The following SESTD1 variants were observed in gnomAD, a reference collection of about 807,000 sequenced individuals.
The protein encoded by SESTD1 is SEC14 domain and spectrin repeat-containing protein 1.
SESTD1 carries 43 observed loss-of-function variants against 101.7 expected under a neutral mutation model. That is an observed-to-expected ratio of 0.42 (90% confidence interval 0.33 to 0.55). The LOEUF (loss-of-function observed/expected upper bound fraction) is 0.55, where lower values mean the gene tolerates loss of function less well. Ranked by LOEUF, SESTD1 falls within the 20% of genes least tolerant of loss-of-function variation. The pLI is 0.07. For missense variants in SESTD1, 647 were observed against 815.1 expected (o/e 0.79, Z 2.51); for synonymous variants, 283 against 286.8 (o/e 0.99, Z 0.13).
At chr2:179,135,998 G>C (rs1559107134) in intron 9 of SESTD1, among the ~76,000 whole-genome samples, 1 of 152,068 alleles carries the variant, frequency 6.6e-6, no homozygotes, top group Non-Finnish European at 1.5e-5. Flanking sequence ...GGAGGGCTAG[G>C]GTACTAGGAT....
chr2:179,229,384 AC>A (rs2046940919), intron 1 of SESTD1, among the ~76,000 whole-genome samples: 1 of 152,058 alleles, frequency 6.6e-6, no homozygotes, highest in African/African-American at 2.4e-5. Context: ...TGGAACTTAC[AC>A]CATTGTTGCT....
chr2:179,169,011 CG>C (rs1183937494), intron 5 of SESTD1, among the ~76,000 whole-genome samples: 2 of 151,846 alleles, frequency 1.3e-5, no homozygotes, highest in Non-Finnish European at 2.9e-5. Flanking sequence ...AAGCCAATAA[CG>C]GAGTGAGGTG....
chr2:179,137,999 C>T lies in SESTD1; in HGVS notation c.850-5573G>A, dbSNP rs190535093. ...TATATTATCATATAGTAATCATTTT[C>T]GCAAGGGATATAGATATTTCCTTAA... On this transcript the variant is annotated intron_variant, in intron 9 of 17. Transcript: ENST00000428443. Among the ~76,000 whole-genome samples the T allele has an allele frequency of 3.7e-3, 557 of 152,118 alleles. 6 individuals carry two copies. The highest frequency in any genetic ancestry group is 0.013 in the African/African-American group (523 of 41,486).
rs774411384 is a variant in SESTD1, at chr2:179,143,872, C to A, written c.638-69G>T. 1.1e-5 allele frequency: 16 copies of A among 1,507,984 alleles called. No homozygotes were observed. In the African/African-American group the frequency reaches 1.8e-4, roughly 17 times the overall value. 93.4% of individuals were successfully genotyped at this position (1,507,984 alleles called of 1,614,324 possible). On this transcript the variant is annotated intron_variant, in intron 8 of 17. Coordinates refer to ENST00000428443, the MANE Select transcript of SESTD1 (RefSeq NM_178123.5). ...TGTAATTCTCACTTCTCAATATTCC[C>A]AATTCTAGTCCCTTGTTTTTAAAAC...
intron 2 of SESTD1, among the ~76,000 whole-genome samples, chr2:179,186,561 C>G (rs751647630): frequency 6.6e-5 from 10 of 151,938 alleles, no homozygotes; most frequent in Non-Finnish European, 1.5e-4. Flanking sequence ...ATTTGGATGC[C>G]AGTTAGTCAA....
At chr2:179,231,483 G>A (rs991630495) in intron 1 of SESTD1, among the ~76,000 whole-genome samples, 2 of 151,100 alleles carry the variant, frequency 1.3e-5, no homozygotes, top group Admixed American at 1.3e-4. Context: ...ACAAGTAGCT[G>A]CTACAACAAC....
chr2:179,246,978 T>C (rs1444131439), intron 1 of SESTD1, among the ~76,000 whole-genome samples: 4 of 152,200 alleles, frequency 2.6e-5, no homozygotes, highest in African/African-American at 4.8e-5. Flanking sequence ...ATTATATATA[T>C]TTTTTATTTT....
chr2:179,155,508 T>A (rs1343321199), intron 5 of SESTD1, among the ~76,000 whole-genome samples: 1 of 151,918 alleles, frequency 6.6e-6, no homozygotes, highest in Non-Finnish European at 1.5e-5. Flanking sequence ...CCCAACGATT[T>A]GGGCAGCCAA....
Position 179,102,219 on chromosome 2 carries a change from G to A in SESTD1, c.*7680C>T, listed in dbSNP as rs1337518663. 6.6e-6 allele frequency: 1 copy of A among 152,070 alleles called. No individual in the cohort carries two copies. The highest frequency in any genetic ancestry group is 1.5e-5 in the Non-Finnish European group (1 of 68,018). 9.4% of individuals were successfully genotyped at this position (152,070 alleles called of 1,614,324 possible). On this transcript the variant is annotated 3_prime_UTR_variant, in exon 18 of 18. Coordinates refer to ENST00000428443, the MANE Select transcript of SESTD1 (RefSeq NM_178123.5). ...CAAGCCTGTGGGAAGGGATTGTTGG[G>A]GTCACGGGAGAGGGAAGCAGAAGCC...
At chr2:179,238,609 G>C (rs11901408) in intron 1 of SESTD1, among the ~76,000 whole-genome samples, 12,776 of 152,046 alleles carry the variant, frequency 0.084, 1,754 homozygotes, top group African/African-American at 0.29. Context: ...TAAGAAACTA[G>C]AAACTTATTG....
intron 1 of SESTD1, among the ~76,000 whole-genome samples, chr2:179,245,221 A>G (rs549469247): frequency 6.6e-6 from 1 of 152,206 alleles, no homozygotes; most frequent in Non-Finnish European, 1.5e-5. Flanking sequence ...ATATTTTTAA[A>G]AATTAGCCAG....
intron 1 of SESTD1, among the ~76,000 whole-genome samples, chr2:179,223,512 G>C (rs1361104661): frequency 6.6e-6 from 1 of 151,530 alleles, no homozygotes; most frequent in Non-Finnish European, 1.5e-5. Flanking sequence ...GGATAATCTG[G>C]ATGAAAATGA....
intron 6 of SESTD1, among the ~76,000 whole-genome samples, chr2:179,150,681 G>A (rs761435518): frequency 4.6e-5 from 7 of 152,064 alleles, no homozygotes; most frequent in Admixed American, 2.0e-4. Context: ...TTAGCTGGGC[G>A]TGGTGGCGCG....
intron 13 of SESTD1, 51 bp downstream of exon 13, chr2:179,121,719 A>G: frequency 6.9e-7 from 1 of 1,440,594 alleles, no homozygotes; most frequent in Non-Finnish European, 9.3e-7. Context: ...ACTTCATTTT[A>G]ACTAATATTG....
At chr2:179,224,221 C>T (rs1016407631) in intron 1 of SESTD1, among the ~76,000 whole-genome samples, 1 of 152,090 alleles carries the variant, frequency 6.6e-6, no homozygotes, top group African/African-American at 2.4e-5. Flanking sequence ...GCATGTTTTA[C>T]ATATAAACAC....
At position 179,204,401 on chromosome 2, in the gene SESTD1, G is replaced by A. The variant is rs1195622763; in HGVS notation, c.-25-12535C>T. Among the ~76,000 whole-genome samples, 2 of 134,310 alleles carry A rather than the reference G, an allele frequency of 1.5e-5. 1 individual carries two copies. Among genetic ancestry groups the A allele is most frequent in the Non-Finnish European group, 3.2e-5 (2 of 62,612 alleles). 88.1% of individuals were successfully genotyped at this position (134,310 alleles called of 152,430 possible). A position where few individuals can be genotyped will look rare whatever the true frequency, so the allele number is the denominator to read the frequency against. On this transcript the variant is annotated intron_variant, in intron 1 of 17. Coordinates refer to ENST00000428443, the MANE Select transcript of SESTD1 (RefSeq NM_178123.5). ...AACAATGTTATTTCTGTGAACCAAT[G>A]AGAATTTCTGACAACTTTTTTGCCA...
intron 6 of SESTD1, among the ~76,000 whole-genome samples, chr2:179,149,733 TAAC>T (rs1559114827): frequency 6.6e-6 from 1 of 152,258 alleles, no homozygotes; most frequent in African/African-American, 2.4e-5. Flanking sequence ...AAGTCTCTAA[TAAC>T]AGTTACAGAA....
At chr2:179,221,341 A>C (rs1422195791) in intron 1 of SESTD1, among the ~76,000 whole-genome samples, 2 of 151,284 alleles carry the variant, frequency 1.3e-5, no homozygotes, top group Non-Finnish European at 2.9e-5. Context: ...GGCTGGGTGC[A>C]GTGGCTCACA....
chr2:179,118,951 G>A (rs984026803), intron 13 of SESTD1, among the ~76,000 whole-genome samples: 3 of 152,186 alleles, frequency 2.0e-5, no homozygotes, highest in East Asian at 1.9e-4. Flanking sequence ...AATTCACTGA[G>A]CAGAAAACAA....
Sources: allele counts gnomAD v4.1 joint callset (sites outside exome capture counted in the v4.1 genomes callset), GRCh38; gene constraint gnomAD v4.1.1; transcripts MANE v1.5; gene names NCBI Gene and HGNC (gene_info 2026-07-23, HGNC 2026-07-21).